Variants in B4GALT5 observed in about 807,000 individuals in gnomAD.
B4GALT5 encodes the protein beta-1,4-galactosyltransferase 5.
Under a neutral mutation model 45.0 loss-of-function variants are expected in B4GALT5, and 11 were observed. The observed-to-expected ratio is 0.24, with a 90% CI of 0.15 to 0.40. B4GALT5 has a LOEUF of 0.40. Ranked by LOEUF, B4GALT5 falls within the 10% of genes least tolerant of loss-of-function variation. The pLI is 1.00. For missense variants in B4GALT5, 337 were observed against 500.2 expected, an observed-to-expected ratio of 0.67 and a Z score of 3.11; for synonymous variants, 185 against 182.9, an observed-to-expected ratio of 1.01 and a Z score of -0.09.
chr20:49,703,730 A>AAAAAAATAATAAT (rs76151269), intron 1 of B4GALT5, among the ~76,000 whole-genome samples: 21 of 144,608 alleles, frequency 1.5e-4, no homozygotes, highest in Admixed American at 3.4e-4. Context: ...TTCTACTAAA[A>AAAAAAATAATAAT]AAAAAAAAAA....
chr20:49,637,773 A>T (rs976354162), intron 7 of B4GALT5, among the ~76,000 whole-genome samples: 38 of 136,900 alleles, frequency 2.8e-4, no homozygotes, highest in Non-Finnish European at 9.5e-5. Context: ...ATCTCTACTT[A>T]AAAAAAAAAA....
intron 7 of B4GALT5, among the ~76,000 whole-genome samples, chr20:49,638,853 C>T (rs1398686219): frequency 6.6e-6 from 1 of 152,098 alleles, no homozygotes; most frequent in Non-Finnish European, 1.5e-5. Context: ...TCTAAATATA[C>T]ACCAGGAAAT....
chr20:49,711,458 G>C (rs1391755974), intron 1 of B4GALT5, among the ~76,000 whole-genome samples: 2 of 152,150 alleles, frequency 1.3e-5, no homozygotes, highest in African/African-American at 2.4e-5. Context: ...TTTAGATATA[G>C]CTGATTTATG....
intron 1 of B4GALT5, among the ~76,000 whole-genome samples, chr20:49,664,469 C>CA (rs1340673746): frequency 1.1e-3 from 163 of 147,642 alleles, no homozygotes; most frequent in Non-Finnish European, 1.6e-3. Flanking sequence ...CACACACACA[C>CA]ACTTTAGATT....
At chr20:49,701,373 TACTAAGTCAG>T (rs2085861145) in intron 1 of B4GALT5, among the ~76,000 whole-genome samples, 1 of 152,236 alleles carries the variant, frequency 6.6e-6, no homozygotes, top group South Asian at 2.1e-4. Flanking sequence ...TGTCAAATTT[TACTAAGTCAG>T]AGCTGTGGGA....
chr20:49,643,561 G>A lies in B4GALT5; in HGVS notation c.454C>T (p.His152Tyr). ...GGCATGCAATCAGAAGGCTTCCAGTGACCTCCGAGCTTGATGGTTGGGTCT... is the reference window on the plus strand; with the variant it reads ...GGCATGCAATCAGAAGGCTTCCAGTAACCTCCGAGCTTGATGGTTGGGTCT... ...SKDPTIKLGG[H>Y]WKPSDCMPRW... Residue 152 changes from histidine (H) to tyrosine (Y), a missense_variant, in exon 4 of 9, where the codon CAC becomes TAC. Physicochemically the swap from His to Tyr is moderately conservative, Grantham distance 83 (BLOSUM62 2). Around this residue, in one of 2 missense-constraint regions of B4GALT5, gnomAD observed 174 missense variants for 207.4 expected, o/e 0.84. Coordinates refer to ENST00000371711, the MANE Select transcript of B4GALT5 (RefSeq NM_004776.4). 6.2e-7 allele frequency: 1 copy of A among 1,614,004 alleles called. No individual in the cohort carries two copies.
chr20:49,671,544 C>G (rs1200835996), intron 1 of B4GALT5, among the ~76,000 whole-genome samples: 1 of 151,960 alleles, frequency 6.6e-6, no homozygotes, highest in Non-Finnish European at 1.5e-5. Context: ...AAAATATAAG[C>G]CTAGAACAGT....
At chr20:49,695,979 C>T (rs6063421) in intron 1 of B4GALT5, among the ~76,000 whole-genome samples, 2 of 152,154 alleles carry the variant, frequency 1.3e-5, no homozygotes, top group Non-Finnish European at 2.9e-5. Context: ...CTGGCTCAGC[C>T]TAGAGAATGC....
chr20:49,661,835 A>C lies in B4GALT5; in HGVS notation c.116-5133T>G, dbSNP rs573787648. Among the ~76,000 whole-genome samples, 50 of 152,348 alleles carry C rather than the reference A, an allele frequency of 3.3e-4. 1 individual carries two copies. The South Asian group carries it at 9.3e-3, about 28-fold the overall frequency. On this transcript the variant is annotated intron_variant, in intron 1 of 8. Transcript: ENST00000371711. ...TTAACACAAATTCACACTTACTAATAATTTGTTTTACACTTTCATGAGACA... is the reference window on the plus strand; with the variant it reads ...TTAACACAAATTCACACTTACTAATCATTTGTTTTACACTTTCATGAGACA...
rs781724822 is a variant in B4GALT5 at position 49,656,661 on chromosome 20, T to A, written c.157A>T (p.Ile53Phe). The change falls in exon 2 of 9, where the codon ATC (isoleucine) becomes TTC (phenylalanine). Residue 53 changes from isoleucine to phenylalanine, a missense_variant. This residue lies in a region of B4GALT5 where 174 missense variants were observed against 207.4 expected (regional missense o/e 0.84). Coordinates refer to ENST00000371711, the MANE Select transcript of B4GALT5 (RefSeq NM_004776.4). ...LFMMQAQGILIRDNVRTIGAQ... is the reference protein window; with the variant it reads ...LFMMQAQGILFRDNVRTIGAQ... Reference sequence around the variant, plus strand: ...CCGATTGTTCTCACGTTGTCCCGGATCAGAATGCCTTGGGCTTGCATCATG... The same window carrying A: ...CCGATTGTTCTCACGTTGTCCCGGAACAGAATGCCTTGGGCTTGCATCATG... The A allele has an allele frequency of 2.4e-5, 39 of 1,613,990 alleles. No homozygotes were observed. The South Asian group carries it at 4.3e-4, about 18-fold the overall frequency.
At chr20:49,642,282 T>G (rs866429385) in intron 5 of B4GALT5, among the ~76,000 whole-genome samples, 186 bp downstream of exon 5, 20 of 152,180 alleles carry the variant, frequency 1.3e-4, no homozygotes, top group Admixed American at 2.0e-4. Flanking sequence ...GTGTGCCCAG[T>G]ACTGGGCAAC....
chr20:49,636,276 G>C lies in B4GALT5; in HGVS notation c.*36C>G. 1 of 1,610,234 alleles carries C rather than the reference G, an allele frequency of 6.2e-7. No homozygotes were observed. The highest frequency in any genetic ancestry group is 8.5e-7 in the Non-Finnish European group (1 of 1,177,924). ...AAAATCTCATCGGACTGCTTTCTTG[G>C]TGGCGGTGGGTAAAGCAAACGTACA... On this transcript the variant is annotated 3_prime_UTR_variant, in exon 9 of 9. Coordinates refer to ENST00000371711, the MANE Select transcript of B4GALT5 (RefSeq NM_004776.4).
chr20:49,707,174 C>G (rs1395875661), intron 1 of B4GALT5, among the ~76,000 whole-genome samples: 22 of 152,160 alleles, frequency 1.4e-4, no homozygotes. Context: ...AAAATTTCAA[C>G]TCCAAACCCA....
chr20:49,676,868 C>A (rs1018044636), intron 1 of B4GALT5, among the ~76,000 whole-genome samples: 1 of 152,248 alleles, frequency 6.6e-6, no homozygotes, highest in Non-Finnish European at 1.5e-5. Context: ...ACTAGCACTG[C>A]TGTTTTTTGA....
chr20:49,692,887 G>A (rs752964373), intron 1 of B4GALT5, among the ~76,000 whole-genome samples: 1 of 152,166 alleles, frequency 6.6e-6, no homozygotes, highest in Non-Finnish European at 1.5e-5. Flanking sequence ...GTCATGTGCC[G>A]CATAATGACG....
At chr20:49,652,629 C>T (rs1348409319) in intron 2 of B4GALT5, among the ~76,000 whole-genome samples, 1 of 151,950 alleles carries the variant, frequency 6.6e-6, no homozygotes, top group Non-Finnish European at 1.5e-5. Context: ...ATCTCACAAA[C>T]CAATGGCTTT....
chr20:49,711,271 A>T (rs2085910244), intron 1 of B4GALT5, among the ~76,000 whole-genome samples: 1 of 152,124 alleles, frequency 6.6e-6, no homozygotes, highest in African/African-American at 2.4e-5. Flanking sequence ...GCTATCAGTG[A>T]TATAGGATTC....
chr20:49,679,235 A>AT (rs1189693118), intron 1 of B4GALT5, among the ~76,000 whole-genome samples: 3 of 152,116 alleles, frequency 2.0e-5, no homozygotes, highest in Non-Finnish European at 4.4e-5. Context: ...TTCTCCCCCA[A>AT]TTTTTTTGAC....
At chr20:49,684,319 T>C (rs547200111) in intron 1 of B4GALT5, among the ~76,000 whole-genome samples, 1 of 152,096 alleles carries the variant, frequency 6.6e-6, no homozygotes, top group African/African-American at 2.4e-5. Flanking sequence ...TCCCAGCACT[T>C]TGGGAGGCTG....
Sources: allele counts gnomAD v4.1 joint callset (sites outside exome capture counted in the v4.1 genomes callset), GRCh38; gene constraint gnomAD v4.1.1; regional missense constraint gnomAD v4.1.1; transcripts MANE v1.5; gene names NCBI Gene and HGNC (gene_info 2026-07-23, HGNC 2026-07-21).